Variants in ARK2C observed in about 807,000 individuals in gnomAD.
ARK2C encodes arkadia (RNF111) C-terminal like ring finger ubiquitin ligase 2C.
chr18:46,455,851 A>C, the ARK2C span: 2 of 624,756 alleles, frequency 3.2e-6, no homozygotes, highest in Non-Finnish European at 2.9e-6. Flanking sequence ...AAAACAAAAC[A>C]AACAAAAAAA....
chr18:46,403,083 C>T, the ARK2C span, among the ~76,000 whole-genome samples: 2 of 152,350 alleles, frequency 1.3e-5, no homozygotes, highest in Non-Finnish European at 2.9e-5. Context: ...AGCCCTTAGG[C>T]AGCCCCAGGC....
At chr18:46,447,612 C>T in the ARK2C span, 1 of 1,614,074 alleles carries the variant, frequency 6.2e-7, no homozygotes, top group South Asian at 1.1e-5. Context: ...CCAGGTGCGG[C>T]CCATCCCTCA....
At chr18:46,434,275 G>C in the ARK2C span, among the ~76,000 whole-genome samples, 1 of 152,064 alleles carries the variant, frequency 6.6e-6, no homozygotes, top group African/African-American at 2.4e-5. Flanking sequence ...TGTGGGTTTT[G>C]ACTATTGATG....
chr18:46,418,424 T>A, the ARK2C span, among the ~76,000 whole-genome samples: 2 of 152,228 alleles, frequency 1.3e-5, no homozygotes, highest in African/African-American at 4.8e-5. Flanking sequence ...ACATCCAAAA[T>A]ATTATCAGTA....
At chr18:46,397,028 C>T in the ARK2C span, among the ~76,000 whole-genome samples, 1 of 152,204 alleles carries the variant, frequency 6.6e-6, no homozygotes, top group Non-Finnish European at 1.5e-5. Context: ...GCGAGCGTGG[C>T]CCAGATTCTT....
At chr18:46,363,037 T>C in the ARK2C span, among the ~76,000 whole-genome samples, 1 of 152,204 alleles carries the variant, frequency 6.6e-6, no homozygotes, top group African/African-American at 2.4e-5. Context: ...GCTACCAGAA[T>C]GGAAGCTCTC....
the ARK2C span, among the ~76,000 whole-genome samples, chr18:46,454,431 C>T: frequency 0.011 from 1,746 of 152,168 alleles, 23 homozygotes; most frequent in African/African-American, 0.039. Context: ...GACAATTATA[C>T]GGGACTATGG....
At chr18:46,429,902 C>A in the ARK2C span, among the ~76,000 whole-genome samples, 6 of 152,264 alleles carry the variant, frequency 3.9e-5, no homozygotes, top group African/African-American at 1.4e-4. Flanking sequence ...TGGATGTGAG[C>A]CACTGTGCAG....
At chr18:46,375,875 A>G in the ARK2C span, among the ~76,000 whole-genome samples, 1 of 152,172 alleles carries the variant, frequency 6.6e-6, no homozygotes, top group East Asian at 1.9e-4. Context: ...GCCCTGGGCT[A>G]AGGGCTGGGG....
the ARK2C span, among the ~76,000 whole-genome samples, chr18:46,418,423 A>C: frequency 6.6e-6 from 1 of 152,204 alleles, no homozygotes; most frequent in East Asian, 1.9e-4. Context: ...TACATCCAAA[A>C]TATTATCAGT....
chr18:46,340,429 T>G, the ARK2C span, among the ~76,000 whole-genome samples: 2 of 151,232 alleles, frequency 1.3e-5, no homozygotes, highest in South Asian at 4.2e-4. Flanking sequence ...ATTGAATACT[T>G]ACTTGGGGCC....
chr18:46,435,813 C>A, the ARK2C span, among the ~76,000 whole-genome samples: 1 of 152,086 alleles, frequency 6.6e-6, no homozygotes, highest in African/African-American at 2.4e-5. Context: ...AGAGAAGTGC[C>A]AGGGCATGCC....
the ARK2C span, among the ~76,000 whole-genome samples, chr18:46,363,833 G>T: frequency 6.6e-6 from 1 of 152,176 alleles, no homozygotes; most frequent in Non-Finnish European, 1.5e-5. Context: ...ATTCATAGGG[G>T]CCACCGTTGA....
the ARK2C span, among the ~76,000 whole-genome samples, chr18:46,438,747 G>T: frequency 6.6e-6 from 1 of 152,206 alleles, no homozygotes; most frequent in Non-Finnish European, 1.5e-5. Context: ...CATCCAACTG[G>T]CTCCAAGAGT....
At chr18:46,442,860 A>G in the ARK2C span, among the ~76,000 whole-genome samples, 1 of 152,190 alleles carries the variant, frequency 6.6e-6, no homozygotes, top group Non-Finnish European at 1.5e-5. Flanking sequence ...TCATTTTTCA[A>G]GATGAATTGA....
the ARK2C span, among the ~76,000 whole-genome samples, chr18:46,426,748 C>T: frequency 6.6e-6 from 1 of 152,250 alleles, no homozygotes; most frequent in African/African-American, 2.4e-5. Context: ...TTTCTCCCTA[C>T]TCCCTAAAAA....
At chr18:46,366,918 C>T in the ARK2C span, among the ~76,000 whole-genome samples, 1 of 152,326 alleles carries the variant, frequency 6.6e-6, no homozygotes, top group African/African-American at 2.4e-5. Flanking sequence ...TCTTCTGTGT[C>T]TTGCTGGAAG....
the ARK2C span, chr18:46,459,182 G>C: frequency 6.6e-6 from 1 of 152,248 alleles, no homozygotes; most frequent in Non-Finnish European, 1.5e-5. Context: ...AAGTGGGAGG[G>C]AGTCAGTGGG....
the ARK2C span, among the ~76,000 whole-genome samples, chr18:46,432,857 G>A: frequency 2.0e-5 from 3 of 152,152 alleles, no homozygotes; most frequent in Non-Finnish European, 2.9e-5. Flanking sequence ...AGGCAGGAAA[G>A]TGGCGTGAAT....
Sources: gnomAD v4.1 joint callset for allele counts (sites outside exome capture counted in the v4.1 genomes callset) on GRCh38, gnomAD v4.1.1 for gene constraint, MANE v1.5 for transcripts, NCBI Gene and HGNC (gene_info 2026-07-23, HGNC 2026-07-21) for gene names.